Variants in GPATCH2 observed in about 807,000 individuals in gnomAD.
GPATCH2 encodes G patch domain-containing protein 2.
GPATCH2 carries 51 observed loss-of-function variants against 58.0 expected under a neutral mutation model. The ratio of observed to expected loss-of-function variants is 0.88; its 90% CI spans 0.70 to 1.11. The LOEUF (loss-of-function observed/expected upper bound fraction) is 1.11. Among genes scored for constraint, GPATCH2 ranks in the 50% most tolerant of loss-of-function variants. GPATCH2 has a pLI of 0.00. For synonymous variants in GPATCH2, 222 were observed against 218.5 expected, an observed-to-expected ratio of 1.02 and a Z score of -0.14; for missense variants, 625 against 652.2, an observed-to-expected ratio of 0.96 and a Z score of 0.45.
Position 217,631,037 on chromosome 1 carries a change from C to A in GPATCH2, c.-66G>T. The stretch of plus-strand genomic sequence containing the variant: ...GAACAGACTCCAACTACAACAGCAC[C>A]GGCGACTTCCAAAGAGCAGTTCAGC... On this transcript the variant is annotated 5_prime_UTR_variant, in exon 1 of 10. Transcript: ENST00000366935. The A allele has an allele frequency of 7.0e-7, 1 of 1,426,112 alleles. No homozygotes were observed. Among genetic ancestry groups the A allele is most frequent in the Non-Finnish European group, 9.6e-7 (1 of 1,044,368 alleles). The allele number at this position is 1,426,112 out of a possible 1,614,324, so 88.3% of individuals were successfully genotyped here.
At chr1:217,504,909 G>T (rs138040573) in intron 6 of GPATCH2, among the ~76,000 whole-genome samples, 1 of 152,288 alleles carries the variant, frequency 6.6e-6, no homozygotes, top group African/African-American at 2.4e-5. Flanking sequence ...AACACAGGAA[G>T]TAGCATCCTT....
At chr1:217,583,975 G>A (rs1457407548) in intron 5 of GPATCH2, among the ~76,000 whole-genome samples, 2 of 151,958 alleles carry the variant, frequency 1.3e-5, no homozygotes, top group African/African-American at 2.4e-5. Context: ...TTTAAAAAGT[G>A]AAATTATCTG....
intron 5 of GPATCH2, among the ~76,000 whole-genome samples, chr1:217,544,275 T>C (rs1210223100): frequency 1.3e-5 from 2 of 152,122 alleles, no homozygotes; most frequent in African/African-American, 4.8e-5. Context: ...AAGCCTCTAA[T>C]CCCAGCTGTT....
intron 1 of GPATCH2, among the ~76,000 whole-genome samples, chr1:217,623,773 G>C (rs1248009182): frequency 1.3e-5 from 2 of 151,892 alleles, no homozygotes; most frequent in African/African-American, 4.8e-5. Flanking sequence ...GTGCTGGTGG[G>C]TGCCTGTAAT....
intron 5 of GPATCH2, among the ~76,000 whole-genome samples, chr1:217,534,574 GAA>G (rs34766373): frequency 0.11 from 15,491 of 147,246 alleles, 883 homozygotes; most frequent in Middle Eastern, 0.2. Context: ...TACAGTCTGT[GAA>G]AAAAAAAAAA....
chr1:217,454,780 C>T (rs770246345), intron 8 of GPATCH2, among the ~76,000 whole-genome samples: 3 of 150,850 alleles, frequency 2.0e-5, no homozygotes, highest in Admixed American at 1.3e-4. Flanking sequence ...ACTACAGGTG[C>T]ACACCACTAT....
chr1:217,610,029 C>A, intron 5 of GPATCH2: 3 of 1,429,538 alleles, frequency 2.1e-6, no homozygotes, highest in Non-Finnish European at 2.7e-6. Flanking sequence ...AAAACAGCCC[C>A]ATCTTTTCAT....
In GPATCH2 at chr1:217,498,346, T is replaced by C. The variant is rs749526154; in HGVS notation, c.1206+10A>G. On this transcript the variant is annotated intron_variant, in intron 7 of 9. Coordinates refer to ENST00000366935, the MANE Select transcript of GPATCH2 (RefSeq NM_018040.5). ...TGAGTAACTTCCTTTTGGATTACAA[T>C]GGTCCTTACCTGGTCATGCTCTGTC... 2 of 1,605,340 alleles carry C rather than the reference T, an allele frequency of 1.2e-6. No homozygotes were observed.
chr1:217,604,534 T>C (rs912817255), intron 5 of GPATCH2, among the ~76,000 whole-genome samples: 6 of 152,190 alleles, frequency 3.9e-5, no homozygotes, highest in Non-Finnish European at 7.4e-5. Context: ...TACAAACATG[T>C]ATCAGTTCAC....
chr1:217,485,180 G>C (rs1334697695), intron 8 of GPATCH2, among the ~76,000 whole-genome samples: 1 of 152,170 alleles, frequency 6.6e-6, no homozygotes, highest in Admixed American at 6.5e-5. Flanking sequence ...CTGAGGGCAA[G>C]AGAATATGGA....
intron 5 of GPATCH2, among the ~76,000 whole-genome samples, chr1:217,570,120 A>G (rs946591830): frequency 3.3e-5 from 5 of 152,040 alleles, no homozygotes; most frequent in Admixed American, 6.6e-5. Context: ...CCCAAAACAT[A>G]TATATGTTTT....
At chr1:217,607,328 C>T (rs1041766886) in intron 5 of GPATCH2, among the ~76,000 whole-genome samples, 3 of 152,114 alleles carry the variant, frequency 2.0e-5, no homozygotes, top group Admixed American at 6.5e-5. Context: ...ATACTGTAAA[C>T]ATATGTCCCT....
chr1:217,614,752 C>A (rs929861509), intron 2 of GPATCH2, among the ~76,000 whole-genome samples: 1 of 145,626 alleles, frequency 6.9e-6, no homozygotes, highest in African/African-American at 2.5e-5. Flanking sequence ...TCCATTATAT[C>A]GAAGTTAAGG....
intron 5 of GPATCH2, among the ~76,000 whole-genome samples, chr1:217,524,680 G>A (rs187022490): frequency 1.0e-3 from 153 of 151,566 alleles, no homozygotes; most frequent in African/African-American, 3.3e-3. Flanking sequence ...CCAACACAGC[G>A]AAACCCCGTC....
intron 9 of GPATCH2, among the ~76,000 whole-genome samples, chr1:217,441,842 A>G (rs1263078098): frequency 6.6e-6 from 1 of 152,198 alleles, no homozygotes; most frequent in Non-Finnish European, 1.5e-5. Flanking sequence ...TCAGGAAACA[A>G]CAGATGCTGG....
At chr1:217,457,533 T>C (rs1558405974) in intron 8 of GPATCH2, among the ~76,000 whole-genome samples, 1 of 152,124 alleles carries the variant, frequency 6.6e-6, no homozygotes, top group Non-Finnish European at 1.5e-5. Context: ...AGTTAAGTAA[T>C]TTACCTAGAG....
chr1:217,575,995 TAC>T (rs1203107213), intron 5 of GPATCH2, among the ~76,000 whole-genome samples: 1 of 152,146 alleles, frequency 6.6e-6, no homozygotes, highest in Non-Finnish European at 1.5e-5. Context: ...CAGAAAATAG[TAC>T]AGTTGGTAGA....
At chr1:217,584,005 G>T (rs1412807408) in intron 5 of GPATCH2, among the ~76,000 whole-genome samples, 1 of 151,844 alleles carries the variant, frequency 6.6e-6, no homozygotes, top group Admixed American at 6.6e-5. Flanking sequence ...TTCACCAAAA[G>T]AACTTCTAAG....
intron 1 of GPATCH2, among the ~76,000 whole-genome samples, chr1:217,623,003 T>C (rs892981517): frequency 6.6e-6 from 1 of 152,238 alleles, no homozygotes; most frequent in African/African-American, 2.4e-5. Context: ...CCTTTTCCCT[T>C]AAAACAATGA....
Sources: gnomAD v4.1 joint callset for allele counts (sites outside exome capture counted in the v4.1 genomes callset) on GRCh38, gnomAD v4.1.1 for gene constraint, MANE v1.5 for transcripts, NCBI Gene and HGNC (gene_info 2026-07-23, HGNC 2026-07-21) for gene names.